SAMD14: variants seen among roughly 807,000 people sequenced by gnomAD.
The protein encoded by SAMD14 is sterile alpha motif domain-containing protein 14.
SAMD14 carries 27 observed loss-of-function variants against 46.2 expected under a neutral mutation model. The observed-to-expected ratio is 0.58, with a 90% CI of 0.43 to 0.81. The LOEUF (loss-of-function observed/expected upper bound fraction) is 0.81, where lower values mean the gene tolerates loss of function less well. Among genes scored for constraint, SAMD14 ranks in the 30% least tolerant of loss-of-function variants. The probability of loss-of-function intolerance (pLI) is 0.00; values close to 1 mark genes in which losing one functional copy is unlikely to be tolerated. For missense variants in SAMD14, 559 were observed against 582.2 expected, an observed-to-expected ratio of 0.96 and a Z score of 0.41; for synonymous variants, 241 against 254.3, an observed-to-expected ratio of 0.95 and a Z score of 0.50.
chr17:50,126,701 G>T (rs1270903624), intron 1 of SAMD14, among the ~76,000 whole-genome samples: 1 of 152,184 alleles, frequency 6.6e-6, no homozygotes, highest in East Asian at 1.9e-4. Context: ...GGCAAAGTTG[G>T]TGCATGCTTA....
At position 50,111,963 on chromosome 17, in the gene SAMD14, G is replaced by A. The variant is rs886823264; in HGVS notation, c.*930C>T. ...TCTCGTAGCTGCCGGGGACCCCCAG[G>A]TTTTGCCTCTCTGCCTGGCTGGGGT... On this transcript the variant is annotated 3_prime_UTR_variant, in exon 10 of 10. Coordinates refer to ENST00000330175, the MANE Select transcript of SAMD14 (RefSeq NM_001257359.2). The A allele has an allele frequency of 1.3e-5, 2 of 152,300 alleles. No individual in the cohort carries two copies. Among genetic ancestry groups the A allele is most frequent in the Admixed American group, 1.3e-4 (2 of 15,270 alleles). The allele number at this position is 152,300 out of a possible 1,614,324, so 9.4% of individuals were successfully genotyped here.
chr17:50,113,356 G>A (rs951945458), intron 9 of SAMD14: 3 of 358,434 alleles, frequency 8.4e-6, no homozygotes, highest in Non-Finnish European at 1.5e-5. Context: ...CCCAGAGATG[G>A]GGAGTCACTT....
rs71353620 is a variant in SAMD14, at chr17:50,124,771, G to GCGCGCACACA, written c.43+145_43+146insTGTGTGCGCG. ...TACCTGCACGCGTGCACGCGCGCGC[G>GCGCGCACACA]CACACACACACACACACACACACAC... On this transcript the variant is annotated intron_variant, in intron 2 of 9. Coordinates refer to ENST00000330175, the MANE Select transcript of SAMD14 (RefSeq NM_001257359.2). 8.2e-3 allele frequency: 4,683 copies of GCGCGCACACA among 568,476 alleles called. 26 individuals are homozygous for GCGCGCACACA. The highest frequency in any genetic ancestry group is 0.033 in the Admixed American group (1,185 of 36,258). 35.2% of individuals were successfully genotyped at this position (568,476 alleles called of 1,614,324 possible). A position where few individuals can be genotyped will look rare whatever the true frequency, so the allele number is the denominator to read the frequency against.
intron 9 of SAMD14, chr17:50,113,655 CAG>C (rs1910999802): frequency 2.0e-6 from 1 of 502,214 alleles, no homozygotes; most frequent in African/African-American, 1.9e-5. Flanking sequence ...AGGGCAAGGT[CAG>C]CCTGGAGACC....
chr17:50,113,042 C>T lies in SAMD14; in HGVS notation c.1105G>A (p.Gly369Arg). The T allele has an allele frequency of 6.2e-7, 1 of 1,611,902 alleles. No homozygotes were observed. Among genetic ancestry groups the T allele is most frequent in the Non-Finnish European group, 8.5e-7 (1 of 1,179,946 alleles). The change falls in exon 10 of 10, where the codon GGG (glycine) becomes AGG (arginine). Residue 369 changes from glycine (G) to arginine (R), a missense_variant. By Grantham distance (125) the Gly-to-Arg change is moderately radical. Coordinates refer to ENST00000330175, the MANE Select transcript of SAMD14 (RefSeq NM_001257359.2). ...QLDGSKLKSL[G>R]LSNSHDRALV... Reference sequence around the variant, plus strand: ...GCCCGGTCATGAGAGTTGCTGAGCCCCAGGCTCTGGGGAGGAGTCCGGGGT... The same window carrying T: ...GCCCGGTCATGAGAGTTGCTGAGCCTCAGGCTCTGGGGAGGAGTCCGGGGT...
intron 2 of SAMD14, chr17:50,123,745 A>C (rs566974424): frequency 1.3e-4 from 29 of 216,444 alleles, no homozygotes; most frequent in African/African-American, 6.3e-4. Flanking sequence ...ATGGCCTTTC[A>C]CATCAGGAAG....
chr17:50,117,533 G>T lies in SAMD14; in HGVS notation c.373C>A (p.Leu125Met). Reference sequence around the variant, plus strand: ...CCCTCGTGCGACGCAGCGTTGTGCAGGGGCCGGTAGCGTGTGAGCGGCGAG... The same window carrying T: ...CCCTCGTGCGACGCAGCGTTGTGCATGGGCCGGTAGCGTGTGAGCGGCGAG... The part of the protein sequence containing the change: ...PPSPLTRYRP[L>M]HNAASHEGLA... Residue 125 changes from leucine (L) to methionine (M), a missense_variant, in exon 4 of 10, where the codon CTG becomes ATG. Transcript: ENST00000330175. 6.5e-7 allele frequency: 1 copy of T among 1,538,150 alleles called. No individual in the cohort carries two copies.
At position 50,115,498 on chromosome 17, in the gene SAMD14, T is replaced by A. The variant is rs1911134395; in HGVS notation, c.822+66A>T. 3 of 1,481,898 alleles carry A rather than the reference T, an allele frequency of 2.0e-6. No individual in the cohort carries two copies. Among genetic ancestry groups the A allele is most frequent in the Admixed American group, 2.3e-5 (1 of 43,190 alleles). 91.8% of individuals were successfully genotyped at this position (1,481,898 alleles called of 1,614,324 possible). A position where few individuals can be genotyped will look rare whatever the true frequency, so the allele number is the denominator to read the frequency against. ...GTCTGAATCCCAGCCTGAGCCAAGG[T>A]GAAGTACGCCCTCATGTCACCTGAG... On this transcript the variant is annotated intron_variant, in intron 7 of 9. Transcript: ENST00000330175. The surrounding 1 kb of genome is among the most constrained non-coding windows in gnomAD (Gnocchi z 5.3).
At chr17:50,114,392 G>T (rs1722995919) in intron 7 of SAMD14, 86 bp from the exon 8 acceptor site, 4 of 1,613,960 alleles carry the variant, frequency 2.5e-6, no homozygotes, top group Non-Finnish European at 3.4e-6. Flanking sequence ...TCCTGGACTA[G>T]GCACCAGGAG....
chr17:50,123,020 G>A (rs928513516), intron 2 of SAMD14, among the ~76,000 whole-genome samples: 1 of 152,188 alleles, frequency 6.6e-6, no homozygotes, highest in Admixed American at 6.5e-5. Context: ...CCTGGAAGCA[G>A]CAGCAAGGAT....
chr17:50,116,044 G>A lies in SAMD14; in HGVS notation c.546C>T (p.Ile182=), dbSNP rs139609527. The change falls in exon 5 of 10, where the codon ATC becomes ATT. Residue 182 remains isoleucine, a synonymous_variant. Transcript: ENST00000330175. ...ASPPEPASPT[I]GLDKKTRRKF... ...TTCGGCGAGTCTTCTTATCGAGGCC[G>A]ATGGTGGGGCTGGCGGGCTCAGGAG... 1.2e-5 allele frequency: 19 copies of A among 1,613,984 alleles called. No individual in the cohort carries two copies. The African/African-American group carries it at 1.6e-4, about 14-fold the overall frequency.
At chr17:50,121,749 T>C (rs1427195845) in intron 2 of SAMD14, among the ~76,000 whole-genome samples, 3 of 152,196 alleles carry the variant, frequency 2.0e-5, no homozygotes, top group Non-Finnish European at 4.4e-5. Flanking sequence ...CAGCCCACCC[T>C]TTCTGTGTTC....
intron 7 of SAMD14, 43 bp from the exon 8 acceptor site, chr17:50,114,349 C>G: frequency 6.2e-7 from 1 of 1,614,086 alleles, no homozygotes; most frequent in Non-Finnish European, 8.5e-7. Context: ...AGTTCACCCC[C>G]AACCCACCAT....
chr17:50,125,702 TG>T (rs910356837), intron 1 of SAMD14, among the ~76,000 whole-genome samples: 4 of 152,090 alleles, frequency 2.6e-5, no homozygotes, highest in Non-Finnish European at 4.4e-5. Flanking sequence ...CCCCCATCAC[TG>T]GTGCCCTCAC....
At chr17:50,113,470 G>C (rs1598221090) in intron 9 of SAMD14, 1 of 257,804 alleles carries the variant, frequency 3.9e-6, no homozygotes, top group African/African-American at 2.2e-5. Context: ...CAGAGAGCAG[G>C]AGACAGGCCA....
intron 1 of SAMD14, among the ~76,000 whole-genome samples, chr17:50,128,682 G>A (rs1567724400): frequency 6.6e-6 from 1 of 152,252 alleles, no homozygotes; most frequent in Non-Finnish European, 1.5e-5. Flanking sequence ...AGGAGAAGGA[G>A]AAAGGAAGAA....
In SAMD14 at chr17:50,113,922, A is replaced by C. The variant is rs774647383; in HGVS notation, c.1098+2T>G. On this transcript the variant is annotated splice_donor_variant, in intron 9 of 9. Transcript: ENST00000330175. LOFTEE classifies it high-confidence loss of function. ...GGTCATGGCCCTTCCACTCTGACCC[A>C]CCTTTAGTTTGCTTCCGTCCAGCTG... is the stretch of plus-strand genomic sequence containing the variant. The C allele has an allele frequency of 3.7e-6, 6 of 1,613,662 alleles. 1 individual carries two copies. The South Asian group carries it at 6.6e-5, about 18-fold the overall frequency.
chr17:50,110,288 C>T lies in SAMD14; in HGVS notation c.*2605G>A, dbSNP rs192177112. On this transcript the variant is annotated 3_prime_UTR_variant, in exon 10 of 10. Transcript: ENST00000330175. ...AGTGCCAGTCCATCTCTGTGGAGACCCCTCGGTGGCCTCCCTATCTCTGTG... is the reference window on the plus strand; with the variant it reads ...AGTGCCAGTCCATCTCTGTGGAGACTCCTCGGTGGCCTCCCTATCTCTGTG... The T allele has an allele frequency of 1.1e-4, 53 of 490,664 alleles. No individual in the cohort carries two copies. Among genetic ancestry groups the T allele is most frequent in the Middle Eastern group, 1.1e-3 (2 of 1,808 alleles). 30.4% of individuals were successfully genotyped at this position (490,664 alleles called of 1,614,324 possible).
intron 3 of SAMD14, chr17:50,117,945 C>G: frequency 1.5e-6 from 1 of 653,324 alleles, no homozygotes; most frequent in South Asian, 2.5e-5. Context: ...CTCTCAGGGC[C>G]TCAGTTTCCT....
Sources: gnomAD v4.1 joint callset for allele counts (sites outside exome capture counted in the v4.1 genomes callset) on GRCh38, gnomAD v4.1.1 for gene constraint, Gnocchi (gnomAD v3.1) non-coding constraint, MANE v1.5 for transcripts, NCBI Gene and HGNC (gene_info 2026-07-23, HGNC 2026-07-21) for gene names.